Variants in WDR70 observed in about 807,000 individuals in gnomAD.
The protein encoded by WDR70 is WD repeat domain 70.
WDR70 carries 53 observed loss-of-function variants against 88.6 expected under a neutral mutation model. The ratio of observed to expected loss-of-function variants is 0.60; its 90% CI spans 0.48 to 0.75. WDR70 has a LOEUF of 0.75. WDR70 is among the 30% of genes least tolerant of loss of function. WDR70 has a pLI of 0.00. For missense variants in WDR70, 610 were observed against 823.2 expected, an observed-to-expected ratio of 0.74 and a Z score of 3.17; for synonymous variants, 280 against 270.0, an observed-to-expected ratio of 1.04 and a Z score of -0.36.
intron 10 of WDR70, among the ~76,000 whole-genome samples, chr5:37,673,590 C>CCG (rs932701589): frequency 1.8e-5 from 2 of 112,498 alleles, no homozygotes; most frequent in Non-Finnish European, 3.5e-5. Context: ...CTTACCCCCC[C>CCG]CCCACCCTTT....
At chr5:37,646,041 C>T (rs913586610) in intron 10 of WDR70, among the ~76,000 whole-genome samples, 2 of 151,242 alleles carry the variant, frequency 1.3e-5, no homozygotes, top group Non-Finnish European at 3.0e-5. Flanking sequence ...TCTTCTCTTC[C>T]TTCTTTCCTT....
chr5:37,692,786 TTCCC>T, intron 10 of WDR70, among the ~76,000 whole-genome samples: 1 of 152,124 alleles, frequency 6.6e-6, no homozygotes, highest in South Asian at 2.1e-4. Flanking sequence ...ACTGGAAGCA[TTCCC>T]TTTGAAAACC....
chr5:37,700,011 T>A (rs1747108567), intron 11 of WDR70, among the ~76,000 whole-genome samples: 1 of 151,454 alleles, frequency 6.6e-6, no homozygotes, highest in Admixed American at 6.6e-5. Flanking sequence ...TAAAGTAACA[T>A]TCCAAAGGTG....
At chr5:37,730,108 A>T (rs936063832) in intron 17 of WDR70, among the ~76,000 whole-genome samples, 1 of 152,154 alleles carries the variant, frequency 6.6e-6, no homozygotes, top group African/African-American at 2.4e-5. Flanking sequence ...ATATGAACAC[A>T]TGTATAGAGT....
chr5:37,752,641 T>G lies in WDR70; in HGVS notation c.*68T>G. The G allele has an allele frequency of 9.3e-7, 1 of 1,070,248 alleles. No homozygotes were observed. The allele number at this position is 1,070,248 out of a possible 1,614,324, so 66.3% of individuals were successfully genotyped here. A position where few individuals can be genotyped will look rare whatever the true frequency, so the allele number is the denominator to read the frequency against. Reference sequence around the variant, plus strand: ...GGGACAGGTTTGGGTTTTTTTTTTATGCTCATGAAATTAAAAATTCATTTT... The same window carrying G: ...GGGACAGGTTTGGGTTTTTTTTTTAGGCTCATGAAATTAAAAATTCATTTT... On this transcript the variant is annotated 3_prime_UTR_variant, in exon 18 of 18. Coordinates refer to ENST00000265107, the MANE Select transcript of WDR70 (RefSeq NM_018034.4).
chr5:37,516,628 CT>C (rs775049377), intron 9 of WDR70, 38 bp downstream of exon 9: 76 of 1,393,252 alleles, frequency 5.5e-5, no homozygotes, highest in Non-Finnish European at 7.4e-5. Flanking sequence ...ACATTCATAT[CT>C]TTAGGTATTT....
In WDR70 at chr5:37,563,143, C is replaced by G. The variant is rs1278582706; in HGVS notation, c.918-41921C>G. Among the ~76,000 whole-genome samples the G allele has an allele frequency of 1.0e-4, 7 of 67,758 alleles. 2 individuals are homozygous for G. The highest frequency in any genetic ancestry group is 4.7e-4 in the Admixed American group (3 of 6,358). The allele number at this position is 67,758 out of a possible 152,430, so 44.5% of individuals were successfully genotyped here. ...GGCGGGGGGCTGACCTCCCGGCCTC[C>G]CTCCCGGATGGGGGGGCTGGCTGGG... On this transcript the variant is annotated intron_variant, in intron 9 of 17. Coordinates refer to ENST00000265107, the MANE Select transcript of WDR70 (RefSeq NM_018034.4).
chr5:37,537,264 T>C (rs1741693578), intron 9 of WDR70, among the ~76,000 whole-genome samples: 1 of 152,182 alleles, frequency 6.6e-6, no homozygotes, highest in South Asian at 2.1e-4. Flanking sequence ...TGTACTCATA[T>C]TGCATCTGGG....
chr5:37,659,774 T>C (rs1035259750), intron 10 of WDR70, among the ~76,000 whole-genome samples: 1 of 152,130 alleles, frequency 6.6e-6, no homozygotes, highest in Non-Finnish European at 1.5e-5. Context: ...GGACAGGCTC[T>C]GTCTTCCTCT....
At chr5:37,424,878 C>A (rs938047694) in intron 5 of WDR70, among the ~76,000 whole-genome samples, 1 of 152,008 alleles carries the variant, frequency 6.6e-6, no homozygotes, top group East Asian at 1.9e-4. Flanking sequence ...TTCTAGGTAC[C>A]TAGATACATC....
intron 17 of WDR70, among the ~76,000 whole-genome samples, chr5:37,751,968 G>A (rs1438629868): frequency 6.6e-6 from 1 of 152,070 alleles, no homozygotes; most frequent in Non-Finnish European, 1.5e-5. Context: ...CGTTTTCTTT[G>A]GTTTTTATTT....
chr5:37,546,659 C>G (rs920233487), intron 9 of WDR70, among the ~76,000 whole-genome samples: 3 of 152,126 alleles, frequency 2.0e-5, no homozygotes, highest in Non-Finnish European at 2.9e-5. Context: ...TGGCTCACGC[C>G]TGTAATCCCA....
intron 9 of WDR70, among the ~76,000 whole-genome samples, chr5:37,529,692 T>C (rs1741421198): frequency 6.6e-6 from 1 of 152,196 alleles, no homozygotes; most frequent in Non-Finnish European, 1.5e-5. Context: ...GAAACCTTAC[T>C]GAATTTATTT....
intron 9 of WDR70, among the ~76,000 whole-genome samples, chr5:37,564,316 G>T (rs1218410965): frequency 6.6e-6 from 1 of 152,242 alleles, no homozygotes; most frequent in East Asian, 1.9e-4. Context: ...TCGTGGTTAG[G>T]AGCTGGAGAC....
intron 9 of WDR70, among the ~76,000 whole-genome samples, chr5:37,592,486 G>A (rs6889616): frequency 0.46 from 70,607 of 152,062 alleles, 18,015 homozygotes; most frequent in Non-Finnish European, 0.58. Context: ...GGTTAACTGC[G>A]CAGCACAGTA....
chr5:37,559,844 TA>T (rs199731767), intron 9 of WDR70, among the ~76,000 whole-genome samples: 8,639 of 111,252 alleles, frequency 0.078, 293 homozygotes, highest in Middle Eastern at 0.13. Context: ...AAATTCAGTA[TA>T]AAAAAAAAAA....
At chr5:37,470,617 A>G (rs1374690491) in intron 7 of WDR70, among the ~76,000 whole-genome samples, 3 of 152,190 alleles carry the variant, frequency 2.0e-5, no homozygotes, top group Admixed American at 6.5e-5. Flanking sequence ...TCACTTGATT[A>G]TATTTATAAA....
chr5:37,543,751 T>C (rs1039501080), intron 9 of WDR70, among the ~76,000 whole-genome samples: 2 of 152,160 alleles, frequency 1.3e-5, no homozygotes, highest in African/African-American at 4.8e-5. Flanking sequence ...AAGATTATAG[T>C]TTGTTGCACT....
chr5:37,653,457 A>G (rs2112564051), intron 10 of WDR70, among the ~76,000 whole-genome samples: 1 of 152,304 alleles, frequency 6.6e-6, no homozygotes, highest in Non-Finnish European at 1.5e-5. Context: ...GCCTCATAAA[A>G]TGAGTTAGGG....
Sources: allele counts gnomAD v4.1 joint callset (sites outside exome capture counted in the v4.1 genomes callset), GRCh38; gene constraint gnomAD v4.1.1; transcripts MANE v1.5; gene names NCBI Gene and HGNC (gene_info 2026-07-23, HGNC 2026-07-21).